Variants in CAB39L observed in about 807,000 individuals in gnomAD.
CAB39L encodes calcium-binding protein 39-like.
CAB39L carries 23 observed loss-of-function variants against 39.1 expected under a neutral mutation model. The observed-to-expected ratio is 0.59, with a 90% CI of 0.42 to 0.83. The LOEUF is 0.83. CAB39L is among the 40% of genes least tolerant of loss of function. The pLI is 0.00. For synonymous variants in CAB39L, 126 were observed against 137.2 expected (o/e 0.92, Z 0.57); for missense variants, 366 against 391.9 (o/e 0.93, Z 0.56).
chr13:49,434,704 TA>T (rs1027844675), intron 1 of CAB39L, among the ~76,000 whole-genome samples: 5 of 151,674 alleles, frequency 3.3e-5, no homozygotes, highest in South Asian at 2.1e-4. Flanking sequence ...AAAATAAAAT[TA>T]AAAAAAATAA....
chr13:49,374,274 TA>T (rs1368658497), intron 5 of CAB39L, among the ~76,000 whole-genome samples: 7 of 152,188 alleles, frequency 4.6e-5, no homozygotes, highest in Non-Finnish European at 7.3e-5. Context: ...ATCATCAGTT[TA>T]AAAACGTATT....
At chr13:49,419,315 T>C (rs183181357) in intron 3 of CAB39L, among the ~76,000 whole-genome samples, 62 of 152,336 alleles carry the variant, frequency 4.1e-4, no homozygotes, top group African/African-American at 1.4e-3. Flanking sequence ...CTTTCAAAAG[T>C]TCTTCAAAAG....
In CAB39L at chr13:49,336,734, G is replaced by A. The variant is rs149540569; in HGVS notation, c.690+2943C>T. Among the ~76,000 whole-genome samples the A allele has an allele frequency of 1.6e-4, 24 of 152,234 alleles. No individual in the cohort carries two copies. In the East Asian group the frequency reaches 3.5e-3, roughly 22 times the overall value. ...CATCTTCCTTCCAGGGCCACTACTC[G>A]TTGTACCATGGACAAGCTTACCTCA... On this transcript the variant is annotated intron_variant, in intron 9 of 10. Coordinates refer to ENST00000409308, the MANE Select transcript of CAB39L (RefSeq NM_001079670.3).
intron 1 of CAB39L, among the ~76,000 whole-genome samples, chr13:49,437,399 C>T (rs564992704): frequency 2.0e-4 from 31 of 152,108 alleles, no homozygotes; most frequent in African/African-American, 7.5e-4. Flanking sequence ...GATGGTGACC[C>T]TTCCAAGGCA....
At chr13:49,440,286 G>C (rs1266303383) in intron 1 of CAB39L, among the ~76,000 whole-genome samples, 4 of 151,904 alleles carry the variant, frequency 2.6e-5, no homozygotes, top group African/African-American at 9.7e-5. Flanking sequence ...AGTTTTGTAT[G>C]TGGTGTAAGG....
chr13:49,367,455 C>T (rs1226430396), intron 5 of CAB39L, among the ~76,000 whole-genome samples: 1 of 152,194 alleles, frequency 6.6e-6, no homozygotes, highest in East Asian at 1.9e-4. Flanking sequence ...AACACTTTAG[C>T]AGTTCCTGAA....
chr13:49,365,924 G>A (rs555341532), intron 5 of CAB39L, among the ~76,000 whole-genome samples: 26 of 152,136 alleles, frequency 1.7e-4, no homozygotes, highest in East Asian at 7.7e-4. Flanking sequence ...GAGAAAATGC[G>A]GATAAAGAAA....
Position 49,433,354 on chromosome 13 carries a change from CCTT to C in CAB39L, c.-71_-69del, listed in dbSNP as rs1566139546. On this transcript the variant is annotated 5_prime_UTR_variant, in exon 3 of 11. Coordinates refer to ENST00000409308, the MANE Select transcript of CAB39L (RefSeq NM_001079670.3). ...TATATCATTTGCAAATTTGTTTGAA[CCTT>C]CTTAGCTTTCACCAAAGTCACTGAT... 2.2e-6 allele frequency: 1 copy of C among 453,376 alleles called. No homozygotes were observed. Among genetic ancestry groups the C allele is most frequent in the Admixed American group, 2.4e-5 (1 of 41,776 alleles). The allele number at this position is 453,376 out of a possible 1,614,324, so 28.1% of individuals were successfully genotyped here.
At chr13:49,437,437 C>A (rs1342661319) in intron 1 of CAB39L, among the ~76,000 whole-genome samples, 1 of 152,148 alleles carries the variant, frequency 6.6e-6, no homozygotes, top group African/African-American at 2.4e-5. Flanking sequence ...AGAAGCAGTA[C>A]TTTCATGAGA....
chr13:49,410,070 CT>C (rs1163336650), intron 3 of CAB39L, among the ~76,000 whole-genome samples: 1 of 152,180 alleles, frequency 6.6e-6, no homozygotes, highest in Non-Finnish European at 1.5e-5. Context: ...ACATGCTATG[CT>C]TTTCCACCAA....
rs1292962603 is a variant in CAB39L, at chr13:49,310,446, C to G, written c.*368G>C. 3.8e-5 allele frequency: 7 copies of G among 182,622 alleles called. No individual in the cohort carries two copies. The highest frequency in any genetic ancestry group is 6.9e-5 in the Non-Finnish European group (6 of 86,856). 11.3% of individuals were successfully genotyped at this position (182,622 alleles called of 1,614,324 possible). A position where few individuals can be genotyped will look rare whatever the true frequency, so the allele number is the denominator to read the frequency against. ...TGGGCAAAGCATTTTTGCACCCTGGCCCCATTCCCAGTTCTCCCCTGAGAA... is the reference window on the plus strand; with the variant it reads ...TGGGCAAAGCATTTTTGCACCCTGGGCCCATTCCCAGTTCTCCCCTGAGAA... On this transcript the variant is annotated 3_prime_UTR_variant, in exon 11 of 11. Coordinates refer to ENST00000409308, the MANE Select transcript of CAB39L (RefSeq NM_001079670.3).
At chr13:49,392,159 AATAT>A (rs894492869) in intron 3 of CAB39L, among the ~76,000 whole-genome samples, 14 of 152,304 alleles carry the variant, frequency 9.2e-5, no homozygotes, top group Admixed American at 2.6e-4. Context: ...TCATGAAGAG[AATAT>A]ATAGAGGTTA....
intron 3 of CAB39L, among the ~76,000 whole-genome samples, chr13:49,429,526 CCTTA>C (rs771493472): frequency 3.9e-5 from 6 of 152,186 alleles, no homozygotes; most frequent in African/African-American, 1.2e-4. Context: ...ATTTTTCCCT[CCTTA>C]CTTAGTTTAT....
chr13:49,434,485 C>T (rs1957377267), intron 1 of CAB39L, among the ~76,000 whole-genome samples: 1 of 152,144 alleles, frequency 6.6e-6, no homozygotes, highest in Admixed American at 6.5e-5. Flanking sequence ...TTCATTTTCA[C>T]TTTACTCAGT....
chr13:49,348,276 T>G (rs944269715), intron 7 of CAB39L, among the ~76,000 whole-genome samples: 3 of 152,150 alleles, frequency 2.0e-5, no homozygotes, highest in Admixed American at 6.5e-5. Flanking sequence ...ACAACAAAAG[T>G]GCCACAGTGG....
intron 8 of CAB39L, among the ~76,000 whole-genome samples, chr13:49,343,066 G>C (rs1434096520): frequency 6.6e-6 from 1 of 152,122 alleles, no homozygotes; most frequent in Non-Finnish European, 1.5e-5. Context: ...CTACTGGACA[G>C]CACTGAGGTA....
chr13:49,351,035 C>A, intron 6 of CAB39L, 123 bp from the exon 7 acceptor site: 2 of 620,156 alleles, frequency 3.2e-6, no homozygotes, highest in Non-Finnish European at 2.5e-6. Flanking sequence ...TGTCACGATT[C>A]ATTCAATATC....
In CAB39L at chr13:49,434,134, C is replaced by T. The variant is rs1440468431; in HGVS notation, c.-156G>A. ...TCTTGCATGAAGAATGAACAAACCA[C>T]TGATTTGGGGTTCGCATCTTTACGT... On this transcript the variant is annotated 5_prime_UTR_variant, in exon 2 of 11. It adds an upstream start codon to the 5' untranslated region. Coordinates refer to ENST00000409308, the MANE Select transcript of CAB39L (RefSeq NM_001079670.3). 2.2e-6 allele frequency: 1 copy of T among 456,730 alleles called. No individual in the cohort carries two copies. Among genetic ancestry groups the T allele is most frequent in the Non-Finnish European group, 4.4e-6 (1 of 227,000 alleles). The allele number at this position is 456,730 out of a possible 1,614,324, so 28.3% of individuals were successfully genotyped here.
intron 3 of CAB39L, among the ~76,000 whole-genome samples, chr13:49,389,268 C>T (rs953823163): frequency 6.6e-6 from 1 of 152,176 alleles, no homozygotes; most frequent in Non-Finnish European, 1.5e-5. Context: ...ATCTGCACTT[C>T]CGTATTCATT....
Sources: gnomAD v4.1 joint callset for allele counts (sites outside exome capture counted in the v4.1 genomes callset) on GRCh38, gnomAD v4.1.1 for gene constraint, MANE v1.5 for transcripts, NCBI Gene and HGNC (gene_info 2026-07-23, HGNC 2026-07-21) for gene names.